TTC39B: variants seen among roughly 807,000 people sequenced by gnomAD.
TTC39B encodes tetratricopeptide repeat domain 39B, also known as tetratricopeptide repeat protein 39B.
Under a neutral mutation model 96.6 loss-of-function variants are expected in TTC39B, and 92 were observed. The ratio of observed to expected loss-of-function variants is 0.95; its 90% CI spans 0.80 to 1.13. The LOEUF is 1.13. Ranked by LOEUF, TTC39B falls within the 50% of genes most tolerant of loss-of-function variation. The pLI, the probability that TTC39B is intolerant of heterozygous loss-of-function variation, is 0.00. For synonymous variants in TTC39B, 367 were observed against 299.4 expected (o/e 1.23, Z -2.33); for missense variants, 955 against 809.3 (o/e 1.18, Z -2.18).
intron 2 of TTC39B, among the ~76,000 whole-genome samples, chr9:15,247,990 G>A (rs567043931): frequency 3.0e-4 from 45 of 152,322 alleles, no homozygotes; most frequent in Non-Finnish European, 5.3e-4. Flanking sequence ...AGGCAACTGA[G>A]TTAGTCTTTG....
At chr9:15,271,741 C>T (rs994716167) in intron 1 of TTC39B, among the ~76,000 whole-genome samples, 1 of 152,124 alleles carries the variant, frequency 6.6e-6, no homozygotes, top group Non-Finnish European at 1.5e-5. Flanking sequence ...TTATGTATAA[C>T]CTAGCAATCT....
chr9:15,232,929 G>A (rs1331247537), intron 2 of TTC39B, among the ~76,000 whole-genome samples: 2 of 152,130 alleles, frequency 1.3e-5, no homozygotes, highest in Admixed American at 1.3e-4. Context: ...CGGCCGCTCA[G>A]GCACGGTTCG....
chr9:15,243,971 A>G (rs1307760468), intron 2 of TTC39B, among the ~76,000 whole-genome samples: 1 of 152,234 alleles, frequency 6.6e-6, no homozygotes. Context: ...TCTTTCAGCA[A>G]AAGAAACTAC....
chr9:15,187,892 G>A, intron 14 of TTC39B, 79 bp downstream of exon 14: 5 of 1,418,312 alleles, frequency 3.5e-6, no homozygotes, highest in African/African-American at 1.4e-5. Context: ...TCATACTACT[G>A]AGCAAACAGT....
At chr9:15,245,810 G>C (rs117207470) in intron 2 of TTC39B, among the ~76,000 whole-genome samples, 26 of 152,256 alleles carry the variant, frequency 1.7e-4, no homozygotes, top group Admixed American at 3.9e-4. Flanking sequence ...CACATCTGTA[G>C]ACTGACGAAA....
rs1436545888 is a variant in TTC39B at position 15,219,880 on chromosome 9, G to A, written c.372-5631C>T. Among the ~76,000 whole-genome samples the A allele has an allele frequency of 2.6e-5, 4 of 152,194 alleles. 1 individual carries two copies. The highest frequency in any genetic ancestry group is 7.2e-5 in the African/African-American group (3 of 41,448). On this transcript the variant is annotated intron_variant, in intron 3 of 19. Coordinates refer to ENST00000512701, the Ensembl canonical transcript of TTC39B. ...GCCCAACCATGACCCTCACAAGGGA[G>A]GCCTGCACTTTAGGGCTGAAATTCC...
chr9:15,191,355 G>A, intron 9 of TTC39B, 100 bp from the exon 10 acceptor site: 1 of 740,190 alleles, frequency 1.4e-6, no homozygotes, highest in Non-Finnish European at 2.2e-6. Context: ...AATAACATGA[G>A]AAATTGGGAA....
chr9:15,190,315 A>C (rs1406947214), intron 11 of TTC39B, among the ~76,000 whole-genome samples: 1 of 152,086 alleles, frequency 6.6e-6, no homozygotes, highest in Non-Finnish European at 1.5e-5. Flanking sequence ...TCAGATTAAA[A>C]ATAATCAACT....
chr9:15,177,000 A>C lies in TTC39B; in HGVS notation c.1841+697T>G, dbSNP rs537761396. On this transcript the variant is annotated intron_variant, in intron 18 of 19. Transcript: ENST00000512701. ...ATACAGAAGAACTGCCCTTTGCCAA[A>C]AGAGAGACAGAGTGCTCATCACATG... Among the ~76,000 whole-genome samples, 6 of 152,322 alleles carry C rather than the reference A, an allele frequency of 3.9e-5. 1 individual carries two copies. In the South Asian group the frequency reaches 1.0e-3, roughly 26 times the overall value.
Position 15,221,026 on chromosome 9 carries a change from T to C in TTC39B, c.371+4891A>G, listed in dbSNP as rs572024353. Among the ~76,000 whole-genome samples the C allele has an allele frequency of 1.0e-3, 154 of 152,334 alleles. 2 individuals carry two copies. Among genetic ancestry groups the C allele is most frequent in the African/African-American group, 3.6e-3 (148 of 41,576 alleles). ...CATGATATCAGGGCTACGAGCTGCA[T>C]GCACATATCTGGTGATGACCGCATA... On this transcript the variant is annotated intron_variant, in intron 3 of 19. Transcript: ENST00000512701.
At chr9:15,219,075 GA>G (rs1429374079) in intron 3 of TTC39B, among the ~76,000 whole-genome samples, 1 of 152,010 alleles carries the variant, frequency 6.6e-6, no homozygotes, top group Non-Finnish European at 1.5e-5. Flanking sequence ...TAAAAATTTT[GA>G]AACATAAAAG....
chr9:15,271,140 G>A (rs569345069), intron 1 of TTC39B, among the ~76,000 whole-genome samples: 6 of 152,108 alleles, frequency 3.9e-5, no homozygotes, highest in Non-Finnish European at 8.8e-5. Flanking sequence ...TGGGCAGGAT[G>A]GGGAGGGGGT....
chr9:15,234,119 G>T (rs1314231652), intron 2 of TTC39B, among the ~76,000 whole-genome samples: 1 of 150,368 alleles, frequency 6.7e-6, no homozygotes, highest in Non-Finnish European at 1.5e-5. Context: ...TCTCTGCCCG[G>T]CCGCCCCGTC....
At chr9:15,272,027 G>C (rs1047666083) in intron 1 of TTC39B, among the ~76,000 whole-genome samples, 4 of 152,192 alleles carry the variant, frequency 2.6e-5, no homozygotes, top group Non-Finnish European at 4.4e-5. Context: ...CCAAAAGGCA[G>C]AGACTGCTCA....
chr9:15,267,779 T>C (rs1436643065), intron 2 of TTC39B, 135 bp downstream of exon 2: 13 of 679,032 alleles, frequency 1.9e-5, no homozygotes, highest in East Asian at 1.7e-4. Context: ...TCTTTAATTA[T>C]AGAAAAGTGA....
Position 15,188,058 on chromosome 9 carries a change from C to T in TTC39B, c.1308G>A (p.Glu436=), listed in dbSNP as rs543379562. Residue 436 remains glutamate (E), a synonymous_variant, in exon 14 of 20, where the codon GAG becomes GAA. Transcript: ENST00000512701. ...GTTGGAAAACATTAATCCACATTAG[C>T]TCCCAGTAGCAGAGATGGTGAAACT... 1.9e-6 allele frequency: 3 copies of T among 1,612,434 alleles called. No individual in the cohort carries two copies. In the African/African-American group the frequency reaches 4.0e-5, roughly 22 times the overall value.
intron 8 of TTC39B, 41 bp downstream of exon 8, chr9:15,199,820 C>T: frequency 1.8e-6 from 2 of 1,083,624 alleles, no homozygotes; most frequent in Non-Finnish European, 2.7e-6. Context: ...GAGTACACAG[C>T]ACAAAATTAT....
At chr9:15,189,891 T>C (rs2118773277) in intron 11 of TTC39B, 99 bp from the exon 12 acceptor site, 2 of 750,280 alleles carry the variant, frequency 2.7e-6, no homozygotes, top group Middle Eastern at 3.3e-4. Flanking sequence ...GACCTACTCA[T>C]GGAAAAGATG....
chr9:15,284,990 G>A (rs1823904177), intron 1 of TTC39B, among the ~76,000 whole-genome samples: 1 of 152,068 alleles, frequency 6.6e-6, no homozygotes, highest in African/African-American at 2.4e-5. Flanking sequence ...GGCCGAGCTC[G>A]GTGGCTCACA....
Sources: allele counts gnomAD v4.1 joint callset (sites outside exome capture counted in the v4.1 genomes callset), GRCh38; gene constraint gnomAD v4.1.1; transcripts MANE v1.5; gene names NCBI Gene and HGNC (gene_info 2026-07-23, HGNC 2026-07-21).